Variants in ANGPT2 observed in about 807,000 individuals in gnomAD.
ANGPT2 encodes the protein angiopoietin-2.
A neutral mutation model predicts 62.9 loss-of-function variants in ANGPT2; 28 were observed. The observed-to-expected ratio is 0.44, with a 90% CI of 0.33 to 0.61. The LOEUF is 0.61. ANGPT2 is among the 20% of genes least tolerant of loss of function. The pLI, the probability that ANGPT2 is intolerant of heterozygous loss-of-function variation, is 0.03. For missense variants in ANGPT2, 727 were observed against 594.9 expected (o/e 1.22, Z -2.31); for synonymous variants, 284 against 207.8 (o/e 1.37, Z -3.15).
rs753656054 is a variant in ANGPT2 at position 6,519,897 on chromosome 8, C to T, written c.894G>A (p.Thr298=). Residue 298 remains threonine, a synonymous_variant, in exon 5 of 9, where the codon ACG becomes ACA. Coordinates refer to ENST00000629816, the MANE Select transcript of ANGPT2 (RefSeq NM_001118887.2). The stretch of plus-strand genomic sequence containing the variant: ...CTTCTGTAGAATTAGGGAATGTTAA[C>T]GTGTAGATGCCATTCGTGGTGTGTC... ...KSGHTTNGIY[T]LTFPNSTEEI... is the part of the protein sequence containing the mutation. 1.4e-5 allele frequency: 23 copies of T among 1,613,922 alleles called. No homozygotes were observed. Among genetic ancestry groups the T allele is most frequent in the South Asian group, 6.6e-5 (6 of 91,062 alleles).
At chr8:6,537,721 T>C (rs1820765510) in intron 1 of ANGPT2, among the ~76,000 whole-genome samples, 1 of 152,160 alleles carries the variant, frequency 6.6e-6, no homozygotes, top group Non-Finnish European at 1.5e-5. Context: ...TCTGGCTATC[T>C]TCCTTCTCAC....
At chr8:6,529,405 G>A (rs543936209) in intron 2 of ANGPT2, among the ~76,000 whole-genome samples, 2 of 151,608 alleles carry the variant, frequency 1.3e-5, no homozygotes, top group Admixed American at 1.3e-4. Flanking sequence ...AACAGAGTGG[G>A]TACATAATTC....
intron 5 of ANGPT2, among the ~76,000 whole-genome samples, chr8:6,518,386 G>A (rs974246269): frequency 6.6e-6 from 1 of 152,228 alleles, no homozygotes; most frequent in Non-Finnish European, 1.5e-5. Context: ...AGCAGACTGT[G>A]TTGTTTGTGG....
At chr8:6,506,980 C>G (rs1284399941) in intron 8 of ANGPT2, among the ~76,000 whole-genome samples, 1 of 151,876 alleles carries the variant, frequency 6.6e-6, no homozygotes, top group East Asian at 1.9e-4. Context: ...TCATTGCAAA[C>G]TCTGTCTCCC....
chr8:6,556,654 C>T (rs989175952), intron 1 of ANGPT2, among the ~76,000 whole-genome samples: 1 of 151,876 alleles, frequency 6.6e-6, no homozygotes, highest in African/African-American at 2.4e-5. Context: ...CACTTTGTTG[C>T]CCAGGCTGGA....
intron 7 of ANGPT2, among the ~76,000 whole-genome samples, chr8:6,511,869 CA>C (rs1815188750): frequency 1.3e-5 from 2 of 150,632 alleles, no homozygotes; most frequent in Admixed American, 1.3e-4. Context: ...TCTTTTTATA[CA>C]AACAGCCTAA....
At chr8:6,548,959 G>T (rs756505199) in intron 1 of ANGPT2, among the ~76,000 whole-genome samples, 1 of 152,212 alleles carries the variant, frequency 6.6e-6, no homozygotes, top group Non-Finnish European at 1.5e-5. Context: ...GGGGAATTAT[G>T]TTTAACCAGT....
intron 1 of ANGPT2, among the ~76,000 whole-genome samples, chr8:6,548,224 A>C (rs981612396): frequency 6.6e-6 from 1 of 152,128 alleles, no homozygotes; most frequent in African/African-American, 2.4e-5. Context: ...GTTAGAACCT[A>C]CGTGAAGGCT....
At chr8:6,509,423 A>C (rs1349054124) in intron 7 of ANGPT2, among the ~76,000 whole-genome samples, 2 of 152,206 alleles carry the variant, frequency 1.3e-5, no homozygotes, top group Non-Finnish European at 1.5e-5. Flanking sequence ...ATAGAGACGG[A>C]GTCCTGAGAC....
intron 5 of ANGPT2, among the ~76,000 whole-genome samples, chr8:6,515,099 G>C (rs1467376848): frequency 1.3e-5 from 2 of 152,004 alleles, no homozygotes; most frequent in Admixed American, 1.3e-4. Flanking sequence ...TTTTTTTAGA[G>C]ATTCATTATG....
chr8:6,531,317 C>G (rs1432877309), intron 2 of ANGPT2, among the ~76,000 whole-genome samples: 1 of 145,252 alleles, frequency 6.9e-6, no homozygotes, highest in Non-Finnish European at 1.5e-5. Context: ...GAGTTGAAGT[C>G]TCACTCTGTT....
chr8:6,539,739 A>G (rs1821197516), intron 1 of ANGPT2, among the ~76,000 whole-genome samples: 2 of 151,954 alleles, frequency 1.3e-5, no homozygotes, highest in African/African-American at 4.8e-5. Flanking sequence ...GGCGCACACC[A>G]CCATGCCTGG....
Position 6,527,687 on chromosome 8 carries a change from C to G in ANGPT2, c.445-11G>C. On this transcript the variant is annotated splice_polypyrimidine_tract_variant and intron_variant, in intron 2 of 8. Transcript: ENST00000629816. ...GGTCTGATTTAATACCTAAATGTAA[C>G]AAAATGAAGTTCCTATTAATTATTT... is the stretch of plus-strand genomic sequence containing the variant. The G allele has an allele frequency of 6.3e-7, 1 of 1,595,042 alleles. No individual in the cohort carries two copies.
chr8:6,533,705 T>C (rs1257346835), intron 1 of ANGPT2, among the ~76,000 whole-genome samples: 1 of 152,056 alleles, frequency 6.6e-6, no homozygotes, highest in East Asian at 1.9e-4. Context: ...CATTGTTTAT[T>C]ACATTGAATA....
chr8:6,553,682 T>TA (rs1192429475), intron 1 of ANGPT2, among the ~76,000 whole-genome samples: 4 of 149,162 alleles, frequency 2.7e-5, no homozygotes, highest in African/African-American at 5.1e-5. Flanking sequence ...TTTTTTTTTT[T>TA]ACCTCTCCCC....
intron 7 of ANGPT2, among the ~76,000 whole-genome samples, chr8:6,510,391 T>C (rs1186466757): frequency 3.3e-5 from 5 of 152,206 alleles, no homozygotes; most frequent in Non-Finnish European, 1.5e-5. Flanking sequence ...AGCACCAAGA[T>C]GATGCCCTTC....
chr8:6,536,272 T>C (rs1439067069), intron 1 of ANGPT2, among the ~76,000 whole-genome samples: 2 of 152,126 alleles, frequency 1.3e-5, no homozygotes, highest in Admixed American at 6.5e-5. Context: ...CTGCCTGTGC[T>C]GTATGGGAAT....
At chr8:6,527,281 C>G (rs1818508766) in intron 3 of ANGPT2, among the ~76,000 whole-genome samples, 1 of 151,964 alleles carries the variant, frequency 6.6e-6, no homozygotes. Context: ...AATAGATTAG[C>G]ATGCAGAATA....
Position 6,521,423 on chromosome 8 carries a change from A to C in ANGPT2, c.567-13T>G. 2 of 1,576,172 alleles carry C rather than the reference A, an allele frequency of 1.3e-6. No homozygotes were observed. The highest frequency in any genetic ancestry group is 1.7e-6 in the Non-Finnish European group (2 of 1,153,828). The stretch of plus-strand genomic sequence containing the variant: ...CTTTTCTAGGAAACTTGTAAGGAAA[A>C]GAATTGTTAGTTAGTGAAGGCTATT... On this transcript the variant is annotated splice_polypyrimidine_tract_variant and intron_variant, in intron 3 of 8. Coordinates refer to ENST00000629816, the MANE Select transcript of ANGPT2 (RefSeq NM_001118887.2).
Sources: gnomAD v4.1 joint callset for allele counts (sites outside exome capture counted in the v4.1 genomes callset) on GRCh38, gnomAD v4.1.1 for gene constraint, MANE v1.5 for transcripts, NCBI Gene and HGNC (gene_info 2026-07-23, HGNC 2026-07-21) for gene names.